Variants in RITA1 observed in about 807,000 individuals in gnomAD.
The protein encoded by RITA1 is RBPJ interacting and tubulin associated 1.
A neutral mutation model predicts 8.7 loss-of-function variants in RITA1; 15 were observed. The ratio of observed to expected loss-of-function variants is 1.72; its 90% CI spans 1.15 to 2.65. The LOEUF (loss-of-function observed/expected upper bound fraction) is 2.65, where lower values mean the gene tolerates loss of function less well. Ranked by LOEUF, RITA1 falls within the 30% of genes most tolerant of loss-of-function variation. The probability of loss-of-function intolerance (pLI) is 0.00; values close to 1 mark genes in which losing one functional copy is unlikely to be tolerated. For synonymous variants in RITA1, 145 were observed against 156.2 expected, an observed-to-expected ratio of 0.93 and a Z score of 0.53; for missense variants, 330 against 363.8, an observed-to-expected ratio of 0.91 and a Z score of 0.76.
At chr12:113,187,087 A>T in intron 3 of RITA1, 39 bp downstream of exon 3, 1 of 1,485,936 alleles carries the variant, frequency 6.7e-7, no homozygotes, top group Non-Finnish European at 9.0e-7. Context: ...TACTCAGTGC[A>T]GCCACCTGGA....
Position 113,191,289 on chromosome 12 carries a change from C to T in RITA1, c.303-21C>T, listed in dbSNP as rs752768384. The T allele has an allele frequency of 7.3e-6, 11 of 1,502,904 alleles. No homozygotes were observed. The highest frequency in any genetic ancestry group is 6.8e-5 in the Admixed American group (3 of 43,934). The allele number at this position is 1,502,904 out of a possible 1,614,324, so 93.1% of individuals were successfully genotyped here. A position where few individuals can be genotyped will look rare whatever the true frequency, so the allele number is the denominator to read the frequency against. ...GGGTTGTTCATCCCCCAGCTCATGG[C>T]GTTTATCTTCCATTTGCCAGACCCA... On this transcript the variant is annotated intron_variant, in intron 3 of 3. Coordinates refer to ENST00000548278, the MANE Select transcript of RITA1 (RefSeq NM_032848.3). This position sits in a 1 kb window ranked among gnomAD's most constrained non-coding sequence, Gnocchi z 4.0.
rs759356046 is a variant in RITA1, at chr12:113,191,640, T to G, written c.633T>G (p.Gly211=). The change falls in exon 4 of 4, where the codon GGT becomes GGG. Residue 211 remains glycine, a synonymous_variant. Coordinates refer to ENST00000548278, the MANE Select transcript of RITA1 (RefSeq NM_032848.3). The surrounding 1 kb of genome is among the most constrained non-coding windows in gnomAD (Gnocchi z 4.0). The stretch of plus-strand genomic sequence containing the variant: ...CCCACCTGAATGTCCCCAGCACTGG[T>G]CATCCAGCCACCAGTGCCCCCCACA... ...SLTHLNVPST[G]HPATSAPHTN... is the part of the protein sequence containing the mutation. 9.9e-6 allele frequency: 16 copies of G among 1,613,984 alleles called. No homozygotes were observed. In the South Asian group the frequency reaches 1.5e-4, roughly 16 times the overall value.
intron 3 of RITA1, among the ~76,000 whole-genome samples, chr12:113,189,993 A>C (rs1952582569): frequency 6.8e-6 from 1 of 147,870 alleles, no homozygotes; most frequent in African/African-American, 2.5e-5. Flanking sequence ...GCGTCACTGC[A>C]CTCCAGCCTG....
At position 113,186,217 on chromosome 12, in the gene RITA1, C is replaced by T. The variant is rs1169780142; in HGVS notation, c.-164C>T. On this transcript the variant is annotated 5_prime_UTR_variant, in exon 2 of 4. Transcript: ENST00000548278. ...GGTGTGACCTACACATGTGACTTCA[C>T]CTCAGTTTTGTGATCCGTAAAATGG... 7.4e-7 allele frequency: 1 copy of T among 1,353,806 alleles called. No individual in the cohort carries two copies. The highest frequency in any genetic ancestry group is 1.5e-5 in the South Asian group (1 of 67,484). 83.9% of individuals were successfully genotyped at this position (1,353,806 alleles called of 1,614,324 possible).
Position 113,185,729 on chromosome 12 carries a change from T to A in RITA1, c.-489T>A, listed in dbSNP as rs935890932. ...GTCCGGGCCGCGTCCGCAGTGCTGCTGGCTGCTCCCTGGTTGCTGGGTGCA... is the reference window on the plus strand; with the variant it reads ...GTCCGGGCCGCGTCCGCAGTGCTGCAGGCTGCTCCCTGGTTGCTGGGTGCA... On this transcript the variant is annotated 5_prime_UTR_variant, in exon 1 of 4. Coordinates refer to ENST00000548278, the MANE Select transcript of RITA1 (RefSeq NM_032848.3). The A allele has an allele frequency of 3.5e-6, 2 of 575,428 alleles. No individual in the cohort carries two copies. Among genetic ancestry groups the A allele is most frequent in the Non-Finnish European group, 6.0e-6 (2 of 332,096 alleles). The allele number at this position is 575,428 out of a possible 1,614,324, so 35.6% of individuals were successfully genotyped here. A position where few individuals can be genotyped will look rare whatever the true frequency, so the allele number is the denominator to read the frequency against.
At chr12:113,187,272 G>C (rs902550786) in intron 3 of RITA1, 2 of 479,292 alleles carry the variant, frequency 4.2e-6, no homozygotes, top group Non-Finnish European at 7.3e-6. Context: ...CTAATACTTA[G>C]AAAGCTGTCA....
chr12:113,186,565 C>T (rs1011581339), intron 2 of RITA1, 118 bp from the exon 3 acceptor site: 55 of 1,406,556 alleles, frequency 3.9e-5, no homozygotes, highest in Middle Eastern at 2.6e-4. Context: ...GACAGCTCCC[C>T]TTTGAGAGAC....
intron 3 of RITA1, among the ~76,000 whole-genome samples, chr12:113,189,918 T>C (rs939158702): frequency 6.6e-6 from 1 of 151,090 alleles, no homozygotes; most frequent in Admixed American, 6.6e-5. Flanking sequence ...ATACCTGTAG[T>C]CCCAGCTACT....
In RITA1 at chr12:113,191,444, C is replaced by T; in HGVS notation, c.437C>T (p.Pro146Leu). The T allele has an allele frequency of 3.1e-6, 5 of 1,607,866 alleles. No homozygotes were observed. The highest frequency in any genetic ancestry group is 4.3e-6 in the Non-Finnish European group (5 of 1,175,640). Residue 146 changes from proline (P) to leucine (L), a missense_variant, in exon 4 of 4, where the codon CCT becomes CTT. Pro to Leu is a moderately conservative substitution (Grantham distance 98). Coordinates refer to ENST00000548278, the MANE Select transcript of RITA1 (RefSeq NM_032848.3). The surrounding 1 kb of genome is among the most constrained non-coding windows in gnomAD (Gnocchi z 4.0). ...CGTGCTCTCTTGTGGACGCCACCACCTACCCCCAGGGGTAGCCACTCGCCC... is the reference window on the plus strand; with the variant it reads ...CGTGCTCTCTTGTGGACGCCACCACTTACCCCCAGGGGTAGCCACTCGCCC... ...KLRALLWTPP[P>L]TPRGSHSPRP...
intron 3 of RITA1, among the ~76,000 whole-genome samples, chr12:113,190,029 TAAAAAAAA>T (rs56327935): frequency 1.4e-5 from 1 of 71,252 alleles, no homozygotes; most frequent in African/African-American, 5.8e-5. Context: ...CCCTGTCTCT[TAAAAAAAA>T]AAAAAAAAAA....
intron 3 of RITA1, among the ~76,000 whole-genome samples, chr12:113,189,253 CAG>C (rs1428354666): frequency 4.6e-5 from 7 of 152,106 alleles, no homozygotes; most frequent in Admixed American, 3.3e-4. Flanking sequence ...TTCTGAACCA[CAG>C]GGACATATTT....
chr12:113,191,212 TC>T lies in RITA1; in HGVS notation c.303-96del. The T allele has an allele frequency of 7.0e-7, 1 of 1,434,816 alleles. No homozygotes were observed. The highest frequency in any genetic ancestry group is 9.2e-7 in the Non-Finnish European group (1 of 1,085,604). 88.9% of individuals were successfully genotyped at this position (1,434,816 alleles called of 1,614,324 possible). The stretch of plus-strand genomic sequence containing the variant: ...GACTCCTGGGATCTGCAGGCAACCC[TC>T]CTCTGCTGCTGCCATCCCAGGGTGG... On this transcript the variant is annotated intron_variant, in intron 3 of 3. Transcript: ENST00000548278. The surrounding 1 kb of genome is among the most constrained non-coding windows in gnomAD (Gnocchi z 4.0).
rs1032753606 is a variant in RITA1 at position 113,191,812 on chromosome 12, A to G, written c.805A>G (p.Lys269Glu). Residue 269 changes from lysine to glutamate, a missense_variant, in exon 4 of 4, where the codon AAA becomes GAA. Lys to Glu is a moderately conservative substitution (Grantham distance 56). Transcript: ENST00000548278. This position sits in a 1 kb window ranked among gnomAD's most constrained non-coding sequence, Gnocchi z 4.0. ...GATQKPKPPW[K>E] The stretch of plus-strand genomic sequence containing the variant: ...CACCCAGAAACCAAAGCCCCCTTGG[A>G]AATGATACTCTTTCATCAGGGTTGC... The G allele has an allele frequency of 6.3e-7, 1 of 1,598,916 alleles. No homozygotes were observed. The highest frequency in any genetic ancestry group is 1.7e-4 in the Middle Eastern group (1 of 5,980).
chr12:113,188,866 A>C (rs1348296133), intron 3 of RITA1, among the ~76,000 whole-genome samples: 1 of 116,280 alleles, frequency 8.6e-6, no homozygotes, highest in Non-Finnish European at 1.6e-5. Flanking sequence ...GCTGGAGTGC[A>C]GTGGCACCAT....
chr12:113,192,151 G>A lies in RITA1; in HGVS notation c.*334G>A. On this transcript the variant is annotated 3_prime_UTR_variant, in exon 4 of 4. Transcript: ENST00000548278. ...CCAAGTGCGAATAAACGGCGTGATT[G>A]CCAACCTGGAGGGTCCCCTCTTATC... 1 of 249,732 alleles carries A rather than the reference G, an allele frequency of 4.0e-6. No homozygotes were observed. Among genetic ancestry groups the A allele is most frequent in the Non-Finnish European group, 7.7e-6 (1 of 129,664 alleles). 15.5% of individuals were successfully genotyped at this position (249,732 alleles called of 1,614,324 possible).
rs112601845 is a variant in RITA1, at chr12:113,190,553, G to A, written c.303-757G>A. Among the ~76,000 whole-genome samples the A allele has an allele frequency of 8.7e-4, 132 of 152,300 alleles. 1 individual carries two copies. Among genetic ancestry groups the A allele is most frequent in the African/African-American group, 3.1e-3 (127 of 41,568 alleles). ...AGTCCCAGCTATTAGGGAGGCTGAG[G>A]TGAGAGGATTGCTTGGGCCCAGGAA... On this transcript the variant is annotated intron_variant, in intron 3 of 3. Coordinates refer to ENST00000548278, the MANE Select transcript of RITA1 (RefSeq NM_032848.3).
chr12:113,188,274 G>C (rs1952559673), intron 3 of RITA1, among the ~76,000 whole-genome samples: 1 of 150,196 alleles, frequency 6.7e-6, no homozygotes, highest in African/African-American at 2.5e-5. Flanking sequence ...CTGGAGTGCA[G>C]TGGAGCCATC....
rs1952598367 is a variant in RITA1 at position 113,191,333 on chromosome 12, A to G, written c.326A>G (p.Tyr109Cys). The G allele has an allele frequency of 1.3e-6, 2 of 1,552,012 alleles. No individual in the cohort carries two copies. ...AGACCCATCAGCCACACCCCGTCTT[A>G]CTGTGATGAGTCGCTGTTTGGCTCC... ...KYRPISHTPSYCDESLFGSRS... is the reference protein window; with the variant it reads ...KYRPISHTPSCCDESLFGSRS... Residue 109 changes from tyrosine (Y) to cysteine (C), a missense_variant, in exon 4 of 4, where the codon TAC (tyrosine) becomes TGC (cysteine). Tyr to Cys is a radical substitution (Grantham distance 194). Transcript: ENST00000548278. This position sits in a 1 kb window ranked among gnomAD's most constrained non-coding sequence, Gnocchi z 4.0.
At position 113,192,141 on chromosome 12, in the gene RITA1, C is replaced by T. The variant is rs901070662; in HGVS notation, c.*324C>T. The T allele has an allele frequency of 6.2e-5, 18 of 291,402 alleles. No individual in the cohort carries two copies. The highest frequency in any genetic ancestry group is 1.2e-4 in the Non-Finnish European group (18 of 156,464). The allele number at this position is 291,402 out of a possible 1,614,324, so 18.1% of individuals were successfully genotyped here. On this transcript the variant is annotated 3_prime_UTR_variant, in exon 4 of 4. Transcript: ENST00000548278. ...TGTCTTGCTGCCAAGTGCGAATAAA[C>T]GGCGTGATTGCCAACCTGGAGGGTC...
Sources: allele counts gnomAD v4.1 joint callset (sites outside exome capture counted in the v4.1 genomes callset), GRCh38; gene constraint gnomAD v4.1.1; non-coding constraint Gnocchi (gnomAD v3.1); transcripts MANE v1.5; gene names NCBI Gene and HGNC (gene_info 2026-07-23, HGNC 2026-07-21).